ZFP91: variants seen among roughly 807,000 people sequenced by gnomAD.
The protein encoded by ZFP91 is E3 ubiquitin-protein ligase ZFP91.
Under a neutral mutation model 63.5 loss-of-function variants are expected in ZFP91, and 7 were observed. The observed-to-expected ratio is 0.11, with a 90% CI of 0.06 to 0.21. The LOEUF is 0.21. ZFP91 is among the 10% of genes least tolerant of loss of function. The pLI is 1.00. For missense variants in ZFP91, 628 were observed against 736.6 expected (o/e 0.85, Z 1.71); for synonymous variants, 330 against 272.1 (o/e 1.21, Z -2.10).
intron 2 of ZFP91, among the ~76,000 whole-genome samples, chr11:58,602,176 G>C (rs516020): frequency 6.6e-6 from 1 of 152,202 alleles, no homozygotes; most frequent in East Asian, 1.9e-4. Context: ...GCCTGCCTCA[G>C]CCTCCCAAAG....
intron 2 of ZFP91, among the ~76,000 whole-genome samples, chr11:58,589,922 A>G (rs192764930): frequency 2.0e-5 from 3 of 152,244 alleles, no homozygotes; most frequent in African/African-American, 7.2e-5. Context: ...GGGATTACCT[A>G]TCAGGTAAAT....
chr11:58,609,905 G>T lies in ZFP91; in HGVS notation c.446G>T (p.Ser149Ile), dbSNP rs1297134659. 1 of 1,614,170 alleles carries T rather than the reference G, an allele frequency of 6.2e-7. No homozygotes were observed. Among genetic ancestry groups the T allele is most frequent in the South Asian group, 1.1e-5 (1 of 91,078 alleles). ...GTTTCCATTGCTGCATCTAGACCTA[G>T]CCGGGGCTGGCGTAGTAGTAGGACA... ...QEVSIAASRP[S>I]RGWRSSRTSV... The change falls in exon 3 of 11, where the codon AGC (serine) becomes ATC (isoleucine). Residue 149 changes from serine to isoleucine, a missense_variant. Coordinates refer to ENST00000316059, the MANE Select transcript of ZFP91 (RefSeq NM_053023.5).
chr11:58,615,944 C>T (rs926239274), intron 9 of ZFP91, among the ~76,000 whole-genome samples: 1 of 152,130 alleles, frequency 6.6e-6, no homozygotes, highest in African/African-American at 2.4e-5. Flanking sequence ...ATATAGAGAG[C>T]ATCTCTTTGT....
At chr11:58,616,868 T>A in intron 10 of ZFP91, 53 bp downstream of exon 10, 2 of 1,545,388 alleles carry the variant, frequency 1.3e-6, no homozygotes, top group Non-Finnish European at 8.9e-7. Context: ...ATGCCCTACT[T>A]GAAGGTTTGC....
chr11:58,612,900 C>A, intron 8 of ZFP91, 60 bp downstream of exon 8: 1 of 1,429,604 alleles, frequency 7.0e-7, no homozygotes, highest in Non-Finnish European at 9.7e-7. Context: ...GTTCTTGCAC[C>A]ACGAGACTTT....
intron 2 of ZFP91, among the ~76,000 whole-genome samples, chr11:58,588,045 G>T (rs901548814): frequency 9.2e-5 from 14 of 152,142 alleles, no homozygotes; most frequent in African/African-American, 3.1e-4. Flanking sequence ...CCAAAATTTT[G>T]CAGCGATTAC....
chr11:58,591,020 T>G (rs1855295613), intron 2 of ZFP91, among the ~76,000 whole-genome samples: 1 of 152,090 alleles, frequency 6.6e-6, no homozygotes, highest in Admixed American at 6.6e-5. Flanking sequence ...CTCTTGTTTC[T>G]CCTCCCCCTT....
At chr11:58,583,779 A>T (rs1474765757) in intron 1 of ZFP91, among the ~76,000 whole-genome samples, 1 of 152,094 alleles carries the variant, frequency 6.6e-6, no homozygotes, top group Non-Finnish European at 1.5e-5. Flanking sequence ...AAAAGTATGG[A>T]ACAAACAGTG....
At chr11:58,607,047 C>G (rs1016236506) in intron 2 of ZFP91, among the ~76,000 whole-genome samples, 26 of 151,910 alleles carry the variant, frequency 1.7e-4, no homozygotes, top group African/African-American at 6.3e-4. Flanking sequence ...AAATTGGCAT[C>G]ATTTATCCAG....
chr11:58,614,469 T>G (rs1386215642), intron 9 of ZFP91, 126 bp downstream of exon 9: 3 of 679,050 alleles, frequency 4.4e-6, no homozygotes, highest in Non-Finnish European at 6.7e-6. Context: ...GGAAAAGGTG[T>G]GAAAATAAAA....
intron 10 of ZFP91, 132 bp downstream of exon 10, chr11:58,616,947 G>T: frequency 1.1e-6 from 1 of 926,130 alleles, no homozygotes; most frequent in Admixed American, 2.4e-5. Flanking sequence ...TATTGATTGG[G>T]GGCATTAGTT....
intron 9 of ZFP91, among the ~76,000 whole-genome samples, chr11:58,615,437 A>G (rs1304931397): frequency 6.6e-6 from 1 of 152,182 alleles, no homozygotes; most frequent in African/African-American, 2.4e-5. Context: ...CGTATGAAAA[A>G]CTTTTATAAA....
intron 7 of ZFP91, 40 bp from the exon 8 acceptor site, chr11:58,612,719 CTTT>C: frequency 2.3e-6 from 3 of 1,279,950 alleles, no homozygotes; most frequent in East Asian, 2.6e-5. Context: ...CAGAGTACCA[CTTT>C]TTTTTTTTTG....
intron 2 of ZFP91, among the ~76,000 whole-genome samples, chr11:58,587,220 G>A (rs768368799): frequency 8.5e-5 from 13 of 152,108 alleles, no homozygotes; most frequent in Non-Finnish European, 7.4e-5. Context: ...TAAAACAAAT[G>A]GAAAGCTACT....
rs753474831 is a variant in ZFP91, at chr11:58,616,818, G to A, written c.1202+3G>A. 1.9e-6 allele frequency: 3 copies of A among 1,613,102 alleles called. No individual in the cohort carries two copies. In the South Asian group the frequency reaches 3.3e-5, roughly 18 times the overall value. Reference sequence around the variant, plus strand: ...CACACTGGCGAGAAGCCATTACAGTGAGTATTATTTACTGGTGAACATCTG... The same window carrying A: ...CACACTGGCGAGAAGCCATTACAGTAAGTATTATTTACTGGTGAACATCTG... On this transcript the variant is annotated splice_donor_region_variant and intron_variant, in intron 10 of 10. Coordinates refer to ENST00000316059, the MANE Select transcript of ZFP91 (RefSeq NM_053023.5).
chr11:58,617,687 C>T lies in ZFP91; in HGVS notation c.1694C>T (p.Ser565Leu). The T allele has an allele frequency of 6.6e-7, 1 of 1,514,720 alleles. No homozygotes were observed. Among genetic ancestry groups the T allele is most frequent in the South Asian group, 1.3e-5 (1 of 74,394 alleles). The allele number at this position is 1,514,720 out of a possible 1,614,324, so 93.8% of individuals were successfully genotyped here. A position where few individuals can be genotyped will look rare whatever the true frequency, so the allele number is the denominator to read the frequency against. Residue 565 changes from serine to leucine, a missense_variant, in exon 11 of 11, where the codon TCA becomes TTA. Transcript: ENST00000316059. The surrounding 1 kb of genome is among the most constrained non-coding windows in gnomAD (Gnocchi z 4.2). ...ACCACAGAGGTTCTGATTGAAGATT[C>T]AGACTCTGCCGGACCTTAGTGGACA... ...GATTEVLIED[S>L]DSAGP
Position 58,579,574 on chromosome 11 carries a change from C to G in ZFP91, c.293C>G (p.Ala98Gly). 6.3e-7 allele frequency: 1 copy of G among 1,584,750 alleles called. No homozygotes were observed. Among genetic ancestry groups the G allele is most frequent in the Non-Finnish European group, 8.6e-7 (1 of 1,168,692 alleles). ...PPDVPGQQPQ[A>G]AKSPSPVQGK... ...GACGTCCCCGGGCAGCAGCCCCAGG[C>G]CGCGAAGTCCCCGTCTCCAGTTCAG... is the stretch of plus-strand genomic sequence containing the variant. Residue 98 changes from alanine (A) to glycine (G), a missense_variant, in exon 1 of 11, where the codon GCC becomes GGC. Transcript: ENST00000316059.
At position 58,617,417 on chromosome 11, in the gene ZFP91, T is replaced by C. The variant is rs1001578100; in HGVS notation, c.1424T>C (p.Ile475Thr). The C allele has an allele frequency of 1.1e-5, 17 of 1,613,716 alleles. No homozygotes were observed. Among genetic ancestry groups the C allele is most frequent in the Admixed American group, 3.3e-5 (2 of 59,930 alleles). ...GGCGCCCTCATCACCAGCACAGATA[T>C]CTTGGGCACTAACCCAGAGTCCCTG... ...NAGALITSTD[I>T]LGTNPESLTQ... Residue 475 changes from isoleucine (I) to threonine (T), a missense_variant, in exon 11 of 11, where the codon ATC (isoleucine) becomes ACC (threonine). This residue lies in a region of ZFP91 where 115 missense variants were observed against 125.4 expected (regional missense o/e 0.92). Coordinates refer to ENST00000316059, the MANE Select transcript of ZFP91 (RefSeq NM_053023.5). This position sits in a 1 kb window ranked among gnomAD's most constrained non-coding sequence, Gnocchi z 4.2.
At chr11:58,596,702 CTTT>C (rs35724497) in intron 2 of ZFP91, among the ~76,000 whole-genome samples, 1 of 141,414 alleles carries the variant, frequency 7.1e-6, no homozygotes, top group Non-Finnish European at 1.5e-5. Context: ...CCACCACCAC[CTTT>C]TTTTTTTTTT....
Sources: gnomAD v4.1 joint callset for allele counts (sites outside exome capture counted in the v4.1 genomes callset) on GRCh38, gnomAD v4.1.1 for gene constraint, gnomAD v4.1.1 regional missense constraint, Gnocchi (gnomAD v3.1) non-coding constraint, MANE v1.5 for transcripts, NCBI Gene and HGNC (gene_info 2026-07-23, HGNC 2026-07-21) for gene names.